TMEM132D: variants seen among roughly 807,000 people sequenced by gnomAD.
TMEM132D encodes transmembrane protein 132D.
A neutral mutation model predicts 62.3 loss-of-function variants in TMEM132D; 21 were observed. The ratio of observed to expected loss-of-function variants is 0.34; its 90% CI spans 0.24 to 0.49. TMEM132D has a LOEUF of 0.49. Among genes scored for constraint, TMEM132D ranks in the 20% least tolerant of loss-of-function variants. The probability of loss-of-function intolerance (pLI) is 0.99; values close to 1 mark genes in which losing one functional copy is unlikely to be tolerated. For missense variants in TMEM132D, 1,346 were observed against 1,402.8 expected (o/e 0.96, Z 0.65); for synonymous variants, 621 against 575.6 (o/e 1.08, Z -1.13).
intron 5 of TMEM132D, among the ~76,000 whole-genome samples, chr12:129,206,929 A>C (rs958531646): frequency 1.6e-4 from 24 of 152,144 alleles, no homozygotes; most frequent in African/African-American, 5.8e-4. Context: ...GGAGAATAAC[A>C]CACACTGGGG....
chr12:129,813,207 C>G (rs1324004052), intron 1 of TMEM132D, among the ~76,000 whole-genome samples: 2 of 151,826 alleles, frequency 1.3e-5, no homozygotes, highest in Non-Finnish European at 2.9e-5. Context: ...AGTGGTCACT[C>G]TAGTCCACGC....
chr12:129,621,880 A>G (rs1879080735), intron 2 of TMEM132D, among the ~76,000 whole-genome samples: 1 of 152,102 alleles, frequency 6.6e-6, no homozygotes, highest in Admixed American at 6.5e-5. Flanking sequence ...CCCTTTATGG[A>G]TGCTCTTCCT....
chr12:129,895,333 C>T (rs1399793181), intron 1 of TMEM132D, among the ~76,000 whole-genome samples: 1 of 152,186 alleles, frequency 6.6e-6, no homozygotes, highest in Non-Finnish European at 1.5e-5. Flanking sequence ...AGTAGCAAAA[C>T]AAAGCTCTGT....
intron 3 of TMEM132D, 128 bp from the exon 4 acceptor site, chr12:129,337,945 G>T: frequency 2.1e-6 from 2 of 932,128 alleles, no homozygotes; most frequent in East Asian, 2.6e-5. Context: ...ACACATCTCT[G>T]CAAAGAGCAT....
At chr12:129,736,992 AT>A (rs1251503179) in intron 1 of TMEM132D, among the ~76,000 whole-genome samples, 1 of 151,800 alleles carries the variant, frequency 6.6e-6, no homozygotes, top group African/African-American at 2.4e-5. Flanking sequence ...CTATTTTTGT[AT>A]TTTTTGTAGA....
rs991155384 is a variant in TMEM132D at position 129,812,663 on chromosome 12, G to A, written c.79+90598C>T. Reference sequence around the variant, plus strand: ...GCATTTGACACCATTGCTTCTTTTCGTTGTATTGATACGTGCCTCTCTCTT... The same window carrying A: ...GCATTTGACACCATTGCTTCTTTTCATTGTATTGATACGTGCCTCTCTCTT... On this transcript the variant is annotated intron_variant, in intron 1 of 8. Coordinates refer to ENST00000422113, the MANE Select transcript of TMEM132D (RefSeq NM_133448.3). 1.4e-4 allele frequency among the ~76,000 whole-genome samples: 21 copies of A among 151,784 alleles called. 1 individual carries two copies. Among genetic ancestry groups the A allele is most frequent in the Non-Finnish European group, 2.5e-4 (17 of 67,980 alleles).
chr12:129,873,784 A>T (rs1349103545), intron 1 of TMEM132D, among the ~76,000 whole-genome samples: 1 of 152,234 alleles, frequency 6.6e-6, no homozygotes, highest in Non-Finnish European at 1.5e-5. Context: ...CACAGAGAGA[A>T]CTAGAGAGGG....
intron 2 of TMEM132D, among the ~76,000 whole-genome samples, chr12:129,602,501 G>A (rs1467096446): frequency 6.6e-6 from 1 of 152,136 alleles, no homozygotes; most frequent in African/African-American, 2.4e-5. Context: ...AAGACATAGG[G>A]AGGAGAAGAT....
intron 2 of TMEM132D, among the ~76,000 whole-genome samples, chr12:129,661,878 C>T (rs948925895): frequency 3.3e-5 from 5 of 152,260 alleles, no homozygotes; most frequent in African/African-American, 1.2e-4. Context: ...ATAGGATATT[C>T]AAGTTGTATA....
rs1334819906 is a variant in TMEM132D at position 129,202,385 on chromosome 12, T to C, written c.1443+7135A>G. 3.3e-5 allele frequency among the ~76,000 whole-genome samples: 5 copies of C among 152,170 alleles called. No individual in the cohort carries two copies. In the East Asian group the frequency reaches 5.8e-4, roughly 18 times the overall value. ...ATCTGTGATTCACAGAGCACCACAA[T>C]GACAACTGTATGAGCTGTGGGTTTT... On this transcript the variant is annotated intron_variant, in intron 5 of 8. Coordinates refer to ENST00000422113, the MANE Select transcript of TMEM132D (RefSeq NM_133448.3).
At chr12:129,092,303 C>CTTTTTTT (rs3045890) in intron 5 of TMEM132D, among the ~76,000 whole-genome samples, 3 of 133,900 alleles carry the variant, frequency 2.2e-5, no homozygotes, top group Non-Finnish European at 3.1e-5. Context: ...TCTCTCTTTC[C>CTTTTTTT]TTTTTTTTTT....
intron 1 of TMEM132D, among the ~76,000 whole-genome samples, chr12:129,780,653 G>A (rs1332604738): frequency 6.6e-6 from 1 of 152,146 alleles, no homozygotes; most frequent in Non-Finnish European, 1.5e-5. Context: ...CAAAGACACA[G>A]ATAGTTATGC....
chr12:129,595,043 G>T (rs1474055180), intron 2 of TMEM132D, among the ~76,000 whole-genome samples: 1 of 152,162 alleles, frequency 6.6e-6, no homozygotes, highest in Non-Finnish European at 1.5e-5. Flanking sequence ...TGATAAAGAG[G>T]TTACTTGCTC....
At chr12:129,228,474 G>A (rs1370743864) in intron 4 of TMEM132D, among the ~76,000 whole-genome samples, 1 of 151,928 alleles carries the variant, frequency 6.6e-6, no homozygotes, top group African/African-American at 2.4e-5. Context: ...CATTTTTATT[G>A]CCTTAAAAAA....
chr12:129,397,598 G>A (rs1049088133), intron 3 of TMEM132D, among the ~76,000 whole-genome samples: 34 of 152,124 alleles, frequency 2.2e-4, no homozygotes, highest in African/African-American at 7.5e-4. Flanking sequence ...TTAGAATTCA[G>A]GAAAACTATA....
chr12:129,686,923 C>T (rs11060499), intron 2 of TMEM132D, among the ~76,000 whole-genome samples: 38,690 of 152,100 alleles, frequency 0.25, 5,122 homozygotes, highest in Middle Eastern at 0.33. Context: ...TGTTTCTACA[C>T]GCTTTTCGGG....
chr12:129,570,571 C>A (rs1469025654), intron 2 of TMEM132D, among the ~76,000 whole-genome samples: 1 of 152,144 alleles, frequency 6.6e-6, no homozygotes, highest in Non-Finnish European at 1.5e-5. Flanking sequence ...CACCTCAGAG[C>A]TACCCTAGGG....
chr12:129,434,145 G>A (rs1357768892), intron 3 of TMEM132D, among the ~76,000 whole-genome samples: 1 of 152,114 alleles, frequency 6.6e-6, no homozygotes, highest in Non-Finnish European at 1.5e-5. Flanking sequence ...CCTGTAGGAG[G>A]AAAAATGTTC....
At chr12:129,757,320 T>C (rs1261903576) in intron 1 of TMEM132D, among the ~76,000 whole-genome samples, 2 of 152,170 alleles carry the variant, frequency 1.3e-5, no homozygotes, top group Admixed American at 6.5e-5. Context: ...TTATGAGATG[T>C]CTTTTTTTCC....
Sources: gnomAD v4.1 joint callset for allele counts (sites outside exome capture counted in the v4.1 genomes callset) on GRCh38, gnomAD v4.1.1 for gene constraint, MANE v1.5 for transcripts, NCBI Gene and HGNC (gene_info 2026-07-23, HGNC 2026-07-21) for gene names.